Variants in EYS observed in about 807,000 individuals in gnomAD.
The protein encoded by EYS is EGF-like photoreceptor maintenance factor.
A neutral mutation model predicts 282.1 loss-of-function variants in EYS; 250 were observed. The ratio of observed to expected loss-of-function variants is 0.89; its 90% CI spans 0.80 to 0.98. EYS has a LOEUF of 0.98. EYS is among the 50% of genes least tolerant of loss of function. EYS has a pLI of 0.00. For missense variants in EYS, 4,016 were observed against 3,709.0 expected (o/e 1.08, Z -2.15); for synonymous variants, 1,355 against 1,282.9 (o/e 1.06, Z -1.20).
chr6:65,466,590 G>GA (rs544460765), intron 5 of EYS, among the ~76,000 whole-genome samples: 212 of 138,070 alleles, frequency 1.5e-3, no homozygotes, highest in Middle Eastern at 3.7e-3. Flanking sequence ...AAACCAAAAT[G>GA]AAAAAAAAAA....
intron 35 of EYS, among the ~76,000 whole-genome samples, chr6:63,894,633 G>T (rs1000246220): frequency 6.6e-6 from 1 of 151,774 alleles, no homozygotes; most frequent in Non-Finnish European, 1.5e-5. Context: ...CCAGGCTGGA[G>T]TGCAGTGGCA....
intron 14 of EYS, among the ~76,000 whole-genome samples, chr6:64,949,421 C>T (rs772146912): frequency 1.8e-4 from 28 of 151,866 alleles, no homozygotes; most frequent in Non-Finnish European, 3.2e-4. Context: ...AGACTACTCT[C>T]AGCGTTTAGA....
At chr6:65,254,525 A>C (rs2150253254) in intron 12 of EYS, among the ~76,000 whole-genome samples, 2 of 152,014 alleles carry the variant, frequency 1.3e-5, no homozygotes, top group South Asian at 4.1e-4. Context: ...TTTCAGTACA[A>C]TAAAAAATTG....
intron 29 of EYS, among the ~76,000 whole-genome samples, chr6:64,326,630 C>T (rs1316021525): frequency 1.3e-5 from 2 of 152,106 alleles, no homozygotes; most frequent in African/African-American, 4.8e-5. Context: ...GGGGGCCCAT[C>T]TGGGATTGGA....
chr6:64,245,881 T>G (rs563242840), intron 30 of EYS, among the ~76,000 whole-genome samples: 11 of 151,868 alleles, frequency 7.2e-5, no homozygotes, highest in South Asian at 6.2e-4. Context: ...TAGCCGGGCA[T>G]GGTGGCGCAC....
chr6:64,584,957 C>T (rs1766185805), intron 26 of EYS, among the ~76,000 whole-genome samples: 1 of 151,662 alleles, frequency 6.6e-6, no homozygotes, highest in Non-Finnish European at 1.5e-5. Context: ...ATTATTTGAC[C>T]CAGCAATATC....
intron 5 of EYS, among the ~76,000 whole-genome samples, chr6:65,418,612 G>A (rs1767332042): frequency 6.6e-6 from 1 of 151,978 alleles, no homozygotes; most frequent in Non-Finnish European, 1.5e-5. Context: ...ATCATCCTTA[G>A]CAAACTAACA....
chr6:64,390,995 G>A (rs554333451), intron 28 of EYS, among the ~76,000 whole-genome samples: 3 of 152,138 alleles, frequency 2.0e-5, no homozygotes, highest in Non-Finnish European at 4.4e-5. Flanking sequence ...CTCAGGAGCC[G>A]ATGCGAATCA....
At chr6:64,394,921 A>C (rs1179313423) in intron 28 of EYS, among the ~76,000 whole-genome samples, 4 of 152,234 alleles carry the variant, frequency 2.6e-5, no homozygotes, top group Admixed American at 6.5e-5. Context: ...CAATGAACTC[A>C]AACAAATTTA....
chr6:64,168,872 CTA>C (rs1764385003), intron 31 of EYS, among the ~76,000 whole-genome samples: 1 of 152,052 alleles, frequency 6.6e-6, no homozygotes, highest in Non-Finnish European at 1.5e-5. Flanking sequence ...AAAATTTATG[CTA>C]TGTCAGTTTT....
At chr6:65,220,793 T>C (rs1239013104) in intron 12 of EYS, among the ~76,000 whole-genome samples, 1 of 152,004 alleles carries the variant, frequency 6.6e-6, no homozygotes, top group East Asian at 1.9e-4. Flanking sequence ...CAGAGACTTG[T>C]GGAATGGTTT....
intron 26 of EYS, among the ~76,000 whole-genome samples, chr6:64,511,913 A>G (rs1777418996): frequency 6.6e-6 from 1 of 152,074 alleles, no homozygotes; most frequent in Non-Finnish European, 1.5e-5. Context: ...TAAAGAACAT[A>G]TAAATTAAGA....
chr6:63,880,150 G>T (rs1773087935), intron 35 of EYS, among the ~76,000 whole-genome samples: 1 of 152,186 alleles, frequency 6.6e-6, no homozygotes, highest in African/African-American at 2.4e-5. Flanking sequence ...GCATGTGTCT[G>T]TGAGGGTGTT....
chr6:63,745,300 G>GAC (rs1200231731), intron 41 of EYS, among the ~76,000 whole-genome samples: 1 of 152,220 alleles, frequency 6.6e-6, no homozygotes, highest in Non-Finnish European at 1.5e-5. Context: ...TATTGCCACA[G>GAC]ACACACAGGA....
chr6:65,104,320 G>A (rs1476389605), intron 12 of EYS, among the ~76,000 whole-genome samples: 1 of 151,120 alleles, frequency 6.6e-6, no homozygotes, highest in African/African-American at 2.4e-5. Context: ...TTAGAATGTT[G>A]TTTCTTTACT....
rs186083989 is a variant in EYS, at chr6:64,047,015, T to G, written c.6725+19323A>C. On this transcript the variant is annotated intron_variant, in intron 33 of 42. Coordinates refer to ENST00000503581, the MANE Select transcript of EYS (RefSeq NM_001142800.2). The stretch of plus-strand genomic sequence containing the variant: ...TATTCTCATAATATGCTGTGCTAAG[T>G]GTTAATGATAACATGGGACACCAAG... Among the ~76,000 whole-genome samples, 426 of 152,314 alleles carry G rather than the reference T, an allele frequency of 2.8e-3. 2 individuals carry two copies. The highest frequency in any genetic ancestry group is 9.8e-3 in the African/African-American group (408 of 41,574).
intron 1 of EYS, among the ~76,000 whole-genome samples, chr6:65,641,216 C>T (rs1449706691): frequency 6.6e-6 from 1 of 152,158 alleles, no homozygotes; most frequent in East Asian, 1.9e-4. Flanking sequence ...TGGTGTTAGG[C>T]TGTAAGAACC....
chr6:64,423,425 CAAT>C (rs1429901992), intron 28 of EYS, among the ~76,000 whole-genome samples: 4 of 152,288 alleles, frequency 2.6e-5, no homozygotes, highest in Admixed American at 1.3e-4. Context: ...GAAATATACA[CAAT>C]GTTTCTAATT....
chr6:65,382,102 T>A lies in EYS; in HGVS notation c.1299+2284A>T, dbSNP rs1163883076. Among the ~76,000 whole-genome samples, 4 of 151,858 alleles carry A rather than the reference T, an allele frequency of 2.6e-5. No homozygotes were observed. The East Asian group carries it at 7.7e-4, about 29-fold the overall frequency. On this transcript the variant is annotated intron_variant, in intron 8 of 42. Coordinates refer to ENST00000503581, the MANE Select transcript of EYS (RefSeq NM_001142800.2). ...TATTGTTGTCTTTTTAAAAATTACTTTGATGCACAGAAGTTTTTAAACTTA... is the reference window on the plus strand; with the variant it reads ...TATTGTTGTCTTTTTAAAAATTACTATGATGCACAGAAGTTTTTAAACTTA...
Sources: gnomAD v4.1 joint callset for allele counts (sites outside exome capture counted in the v4.1 genomes callset) on GRCh38, gnomAD v4.1.1 for gene constraint, MANE v1.5 for transcripts, NCBI Gene and HGNC (gene_info 2026-07-23, HGNC 2026-07-21) for gene names.